Variants in ANO1 observed in about 807,000 individuals in gnomAD.
ANO1 encodes anoctamin 1, also known as anoctamin-1.
Under a neutral mutation model 124.0 loss-of-function variants are expected in ANO1, and 59 were observed. The observed-to-expected ratio is 0.48, with a 90% CI of 0.39 to 0.59. The LOEUF (loss-of-function observed/expected upper bound fraction) is 0.59. Among genes scored for constraint, ANO1 ranks in the 20% least tolerant of loss-of-function variants. The pLI is 0.00. For synonymous variants in ANO1, 529 were observed against 532.0 expected (o/e 0.99, Z 0.08); for missense variants, 1,059 against 1,328.0 (o/e 0.80, Z 3.15).
chr11:70,019,437 G>A (rs573263825), intron 1 of ANO1, among the ~76,000 whole-genome samples: 20 of 152,266 alleles, frequency 1.3e-4, no homozygotes, highest in African/African-American at 4.3e-4. Flanking sequence ...AACAGGACTC[G>A]AGAGGGTGCC....
chr11:70,087,715 C>A, intron 1 of ANO1, 37 bp from the exon 2 acceptor site: 1 of 1,533,710 alleles, frequency 6.5e-7, no homozygotes, highest in Non-Finnish European at 8.8e-7. Context: ...TCACGAGCAG[C>A]TCGATGGTGA....
intron 4 of ANO1, 76 bp downstream of exon 4, chr11:70,104,226 G>C (rs1261287414): frequency 2.1e-6 from 3 of 1,458,422 alleles, no homozygotes; most frequent in Admixed American, 2.4e-5. Context: ...GAGAAATGCA[G>C]ATTGATTATC....
chr11:70,091,105 G>A, intron 2 of ANO1, among the ~76,000 whole-genome samples: 1 of 152,220 alleles, frequency 6.6e-6, no homozygotes, highest in East Asian at 1.9e-4. Flanking sequence ...CGCAGCGTCT[G>A]AAGTGTGTGT....
chr11:70,071,764 T>C (rs1555009330), intron 1 of ANO1, among the ~76,000 whole-genome samples: 1 of 152,094 alleles, frequency 6.6e-6, no homozygotes, highest in African/African-American at 2.4e-5. Flanking sequence ...GCTGGGATTA[T>C]AGGCACGCAC....
At chr11:70,073,779 AC>A (rs1418920231), upstream of ANO1, among the ~76,000 whole-genome samples, 1 of 151,674 alleles carries the variant, frequency 6.6e-6, no homozygotes, top group Non-Finnish European at 1.5e-5. Flanking sequence ...GAATCTGAAA[AC>A]CCTCCTATGG....
chr11:69,984,472 G>A (rs1855990423), upstream of ANO1, among the ~76,000 whole-genome samples: 1 of 110,344 alleles, frequency 9.1e-6, no homozygotes, highest in Non-Finnish European at 1.7e-5. Context: ...TGCGAGGAAG[G>A]AATCTTGCCT....
At chr11:70,017,819 C>T (rs1480266124) in intron 1 of ANO1, among the ~76,000 whole-genome samples, 1 of 152,096 alleles carries the variant, frequency 6.6e-6, no homozygotes, top group Non-Finnish European at 1.5e-5. Flanking sequence ...AGTACCTGGC[C>T]TATTTTCCCA....
rs78991308 is a variant in ANO1, at chr11:70,050,638, T to C, written c.59-27904T>C. Among the ~76,000 whole-genome samples the C allele has an allele frequency of 3.1e-3, 465 of 152,288 alleles. 3 individuals are homozygous for C. Among genetic ancestry groups the C allele is most frequent in the African/African-American group, 0.011 (438 of 41,552 alleles). On this transcript the variant is annotated intron_variant, in intron 1 of 27. Transcript: ENST00000531349. Reference sequence around the variant, plus strand: ...CTCAAGCTTTTCCTCCTAACTTCTATAACATCAGGAACAGTGCTCCCTGAA... The same window carrying C: ...CTCAAGCTTTTCCTCCTAACTTCTACAACATCAGGAACAGTGCTCCCTGAA...
At chr11:70,085,777 A>T in intron 1 of ANO1, 2 of 1,306,600 alleles carry the variant, frequency 1.5e-6, no homozygotes, top group Non-Finnish European at 2.0e-6. Flanking sequence ...CCTCTCCCCC[A>T]CTGCAGTGCT....
At chr11:70,137,360 C>A (rs1409613443) in intron 11 of ANO1, among the ~76,000 whole-genome samples, 4 of 142,738 alleles carry the variant, frequency 2.8e-5, no homozygotes, top group Non-Finnish European at 4.7e-5. Context: ...CCCCTGCCTG[C>A]CCCTGCCTGC....
chr11:70,163,209 C>A, intron 18 of ANO1, 74 bp from the exon 19 acceptor site: 2 of 1,518,456 alleles, frequency 1.3e-6, no homozygotes, highest in Non-Finnish European at 1.8e-6. Flanking sequence ...GCTGCACAGT[C>A]CCCACTTGGG....
chr11:70,146,967 C>T (rs2047401945), intron 11 of ANO1, among the ~76,000 whole-genome samples: 1 of 152,148 alleles, frequency 6.6e-6, no homozygotes, highest in South Asian at 2.1e-4. Flanking sequence ...TCCCCCTCCA[C>T]TGACTCAAAT....
intron 16 of ANO1, among the ~76,000 whole-genome samples, chr11:70,158,919 A>G (rs2135695792): frequency 6.6e-6 from 1 of 151,858 alleles, no homozygotes; most frequent in Admixed American, 6.6e-5. Context: ...TGCTGAGGGG[A>G]TGTGTCCCCT....
At chr11:70,007,037 T>C (rs1418616265) in intron 1 of ANO1, among the ~76,000 whole-genome samples, 1 of 152,152 alleles carries the variant, frequency 6.6e-6, no homozygotes, top group Non-Finnish European at 1.5e-5. Context: ...GCATTAACTG[T>C]ATGCACATGA....
chr11:70,153,196 G>A (rs2047672942), intron 14 of ANO1, 68 bp downstream of exon 14: 1 of 1,370,936 alleles, frequency 7.3e-7, no homozygotes, highest in Admixed American at 2.0e-5. Context: ...ATGTAGACCT[G>A]GGATCAGCCC....
At chr11:69,976,500 C>T in the ANO1 span, among the ~76,000 whole-genome samples, 1 of 107,220 alleles carries the variant, frequency 9.3e-6, no homozygotes, top group Non-Finnish European at 1.7e-5. Context: ...GAGCAAAACT[C>T]CGTCTCTAAA....
At chr11:70,149,386 C>G (rs1264224120) in intron 11 of ANO1, among the ~76,000 whole-genome samples, 2 of 152,208 alleles carry the variant, frequency 1.3e-5, no homozygotes, top group Non-Finnish European at 2.9e-5. Flanking sequence ...CGTGGTGGCT[C>G]ACGCCTGTAG....
intron 1 of ANO1, chr11:70,056,473 A>G (rs1031047818): frequency 4.0e-5 from 6 of 151,898 alleles, no homozygotes; most frequent in African/African-American, 1.5e-4. Flanking sequence ...CAATTTTGCT[A>G]TGATGGGCTG....
chr11:70,017,319 T>G (rs1565161676), intron 1 of ANO1, among the ~76,000 whole-genome samples: 1 of 152,224 alleles, frequency 6.6e-6, no homozygotes, highest in Admixed American at 6.5e-5. Context: ...TCTTTGGGGA[T>G]CAAATGAAAT....
Sources: gnomAD v4.1 joint callset for allele counts (sites outside exome capture counted in the v4.1 genomes callset) on GRCh38, gnomAD v4.1.1 for gene constraint, MANE v1.5 for transcripts, NCBI Gene and HGNC (gene_info 2026-07-23, HGNC 2026-07-21) for gene names.